Variants in SLC25A53 observed in about 807,000 individuals in gnomAD.
The protein encoded by SLC25A53 is mitochondrial carrier triple repeat protein 6.
Under a neutral mutation model 15.0 loss-of-function variants are expected in SLC25A53, and 5 were observed. The observed-to-expected ratio is 0.33, with a 90% CI of 0.17 to 0.70. The LOEUF is 0.70. SLC25A53 is among the 30% of genes least tolerant of loss of function. The pLI is 0.67. For synonymous variants in SLC25A53, 95 were observed against 100.0 expected, an observed-to-expected ratio of 0.95 and a Z score of 0.30; for missense variants, 216 against 241.6, an observed-to-expected ratio of 0.89 and a Z score of 0.70.
intron 1 of SLC25A53, among the ~76,000 whole-genome samples, chrX:104,137,799 C>A (rs1556366771): frequency 9.0e-6 from 1 of 111,706 alleles, no homozygotes; most frequent in South Asian, 3.8e-4. Context: ...TTGTTTTACA[C>A]TGGAGGCTGT....
At position 104,132,641 on chromosome X, in the gene SLC25A53, A is replaced by G. The variant is rs527709126; in HGVS notation, c.-32+24237T>C. ...ACACCCTGGACAAAATTTTTTTTTA[A>G]TTACCTGCAAGTATTGACAAGCAAC... On this transcript the variant is annotated intron_variant, in intron 1 of 1. Transcript: ENST00000594199. 1.9e-4 allele frequency among the ~76,000 whole-genome samples: 21 copies of G among 111,951 alleles called. 1 individual carries two copies. In the South Asian group the frequency reaches 7.8e-3, roughly 42 times the overall value.
At chrX:104,138,594 G>C (rs2147877192) in intron 1 of SLC25A53, among the ~76,000 whole-genome samples, 1 of 112,810 alleles carries the variant, frequency 8.9e-6, no homozygotes, top group African/African-American at 3.2e-5. Flanking sequence ...TTATTGCAAG[G>C]ACAGAGAGCT....
intron 1 of SLC25A53, among the ~76,000 whole-genome samples, chrX:104,122,456 C>T (rs913312736): frequency 1.6e-4 from 18 of 109,146 alleles, no homozygotes; most frequent in African/African-American, 5.0e-4. Flanking sequence ...TTCTGTAAAC[C>T]TCCAGATCCA....
intron 1 of SLC25A53, among the ~76,000 whole-genome samples, chrX:104,110,278 C>A (rs1395418168): frequency 1.8e-5 from 2 of 111,551 alleles, no homozygotes; most frequent in Non-Finnish European, 3.8e-5. Flanking sequence ...CTGAAGGAAA[C>A]CTAAGAGCAA....
In SLC25A53 at chrX:104,100,940, TC is replaced by T. The variant is rs1451237103; in HGVS notation, c.*3393del. ...TGACACAATCTACCTGGAGATAGCG[TC>T]ATATCCCACAAGCTGAGGACTAGGT... is the stretch of plus-strand genomic sequence containing the variant. On this transcript the variant is annotated 3_prime_UTR_variant, in exon 2 of 2. Coordinates refer to ENST00000594199, the MANE Select transcript of SLC25A53 (RefSeq NM_001012755.5). The T allele has an allele frequency of 9.0e-6, 1 of 110,983 alleles. No individual in the cohort carries two copies. Among genetic ancestry groups the T allele is most frequent in the African/African-American group, 3.3e-5 (1 of 30,489 alleles). 9.1% of individuals were successfully genotyped at this position (110,983 alleles called of 1,213,427 possible).
chrX:104,106,640 A>G (rs1458043066), intron 1 of SLC25A53, among the ~76,000 whole-genome samples: 1 of 111,384 alleles, frequency 9.0e-6, no homozygotes, highest in Non-Finnish European at 1.9e-5. Context: ...GTCCAAGCTG[A>G]GGTCCCCAGG....
chrX:104,118,785 C>T (rs1308672756), intron 1 of SLC25A53, among the ~76,000 whole-genome samples: 2 of 112,218 alleles, frequency 1.8e-5, no homozygotes, highest in Non-Finnish European at 3.8e-5. Flanking sequence ...GTAGGTGTTA[C>T]TATTATATAA....
chrX:104,128,060 CTG>C (rs2075415867), intron 1 of SLC25A53, among the ~76,000 whole-genome samples: 1 of 111,729 alleles, frequency 9.0e-6, no homozygotes, highest in Non-Finnish European at 1.9e-5. Context: ...CTTGTTTTTC[CTG>C]TGTTAGCTGT....
At chrX:104,124,280 T>C (rs1416922435) in intron 1 of SLC25A53, among the ~76,000 whole-genome samples, 2 of 112,216 alleles carry the variant, frequency 1.8e-5, no homozygotes, top group Non-Finnish European at 3.8e-5. Context: ...TGGTATCTCA[T>C]TGTGGTTTTG....
At chrX:104,147,095 C>T (rs2075469989) in intron 1 of SLC25A53, among the ~76,000 whole-genome samples, 1 of 111,300 alleles carries the variant, frequency 9.0e-6, no homozygotes, top group South Asian at 3.8e-4. Context: ...GTACTGGTAC[C>T]AAAACAGAGA....
At chrX:104,114,322 G>A in intron 1 of SLC25A53, 1 of 1,211,636 alleles carries the variant, frequency 8.3e-7, no homozygotes, top group Non-Finnish European at 1.1e-6. Context: ...AGTCAATGAG[G>A]TCCTGCCAGA....
chrX:104,146,514 T>C (rs1556368969), intron 1 of SLC25A53, among the ~76,000 whole-genome samples: 1 of 111,582 alleles, frequency 9.0e-6, no homozygotes, highest in African/African-American at 3.3e-5. Context: ...GGAAGTCAAA[T>C]TGTCCCTGTT....
At chrX:104,143,760 G>A (rs994489668) in intron 1 of SLC25A53, among the ~76,000 whole-genome samples, 11 of 111,315 alleles carry the variant, frequency 9.9e-5, no homozygotes, top group Non-Finnish European at 2.1e-4. Context: ...GAACACCACA[G>A]AGATATTCCT....
intron 1 of SLC25A53, among the ~76,000 whole-genome samples, chrX:104,147,326 G>A (rs1372660654): frequency 3.6e-5 from 4 of 110,980 alleles, no homozygotes; most frequent in African/African-American, 1.3e-4. Context: ...AGACTTAAAC[G>A]TTAGACCTAA....
intron 1 of SLC25A53, chrX:104,130,530 C>A (rs963388943): frequency 1.6e-4 from 18 of 111,238 alleles, no homozygotes; most frequent in African/African-American, 4.9e-4. Flanking sequence ...CATGGATATG[C>A]TTGACATTTT....
intron 1 of SLC25A53, among the ~76,000 whole-genome samples, chrX:104,123,545 A>AT (rs59026732): frequency 0.26 from 27,368 of 104,102 alleles, 3,268 homozygotes; most frequent in East Asian, 0.54. Context: ...TGATTTGTTT[A>AT]TTTTTTTTTT....
At chrX:104,140,314 C>T (rs1157292604) in intron 1 of SLC25A53, among the ~76,000 whole-genome samples, 1 of 50,818 alleles carries the variant, frequency 2.0e-5, no homozygotes, top group Non-Finnish European at 3.5e-5. Context: ...TTTGTAGAGA[C>T]AGGATTCCGT....
In SLC25A53 at chrX:104,099,774, G is replaced by A. The variant is rs1261420764; in HGVS notation, c.*4560C>T. ...ATCAGTGGTGGGGGGAGAAGAGTAG[G>A]TTATTAAAGGGCTCTATTTCTTGCT... On this transcript the variant is annotated 3_prime_UTR_variant, in exon 2 of 2. Transcript: ENST00000594199. 2 of 111,892 alleles carry A rather than the reference G, an allele frequency of 1.8e-5. No homozygotes were observed. The highest frequency in any genetic ancestry group is 4.7e-3 in the Middle Eastern group (1 of 215). 9.2% of individuals were successfully genotyped at this position (111,892 alleles called of 1,213,427 possible). A position where few individuals can be genotyped will look rare whatever the true frequency, so the allele number is the denominator to read the frequency against.
intron 1 of SLC25A53, among the ~76,000 whole-genome samples, chrX:104,147,349 C>A (rs1302856695): frequency 3.6e-5 from 4 of 110,713 alleles, no homozygotes; most frequent in African/African-American, 1.3e-4. Flanking sequence ...CCATAAAAAC[C>A]CTAGAAAACC....
Sources: gnomAD v4.1 joint callset for allele counts (sites outside exome capture counted in the v4.1 genomes callset) on GRCh38, gnomAD v4.1.1 for gene constraint, MANE v1.5 for transcripts, NCBI Gene and HGNC (gene_info 2026-07-23, HGNC 2026-07-21) for gene names.